The following MPDZ variants were observed in gnomAD, a reference collection of about 807,000 sequenced individuals.
MPDZ encodes multiple PDZ domain crumbs cell polarity complex component.
A neutral mutation model predicts 239.1 loss-of-function variants in MPDZ; 234 were observed. The observed-to-expected ratio is 0.98, with a 90% CI of 0.88 to 1.09. The LOEUF (loss-of-function observed/expected upper bound fraction) is 1.09, where lower values mean the gene tolerates loss of function less well. Among genes scored for constraint, MPDZ ranks in the 50% least tolerant of loss-of-function variants. The pLI is 0.00. For missense variants in MPDZ, 3,175 were observed against 2,510.0 expected (o/e 1.26, Z -5.66); for synonymous variants, 1,048 against 881.3 (o/e 1.19, Z -3.35).
intron 10 of MPDZ, among the ~76,000 whole-genome samples, chr9:13,209,058 G>A (rs991777630): frequency 2.6e-5 from 4 of 152,126 alleles, no homozygotes; most frequent in African/African-American, 9.7e-5. Context: ...CAGGCCAACT[G>A]AATCTCTGTA....
At chr9:13,148,542 C>T (rs1948729146) in intron 25 of MPDZ, among the ~76,000 whole-genome samples, 1 of 151,944 alleles carries the variant, frequency 6.6e-6, no homozygotes, top group South Asian at 2.1e-4. Context: ...ATAAAAACCT[C>T]CCTCAGGTTG....
chr9:13,270,538 T>C (rs1193209636), intron 1 of MPDZ, among the ~76,000 whole-genome samples: 1 of 151,118 alleles, frequency 6.6e-6, no homozygotes, highest in Non-Finnish European at 1.5e-5. Context: ...GTAAAAGACA[T>C]GGCATATTTT....
At chr9:13,149,090 T>C (rs975523174) in intron 25 of MPDZ, among the ~76,000 whole-genome samples, 8 of 151,964 alleles carry the variant, frequency 5.3e-5, no homozygotes, top group African/African-American at 1.9e-4. Flanking sequence ...TTTTAGGTAG[T>C]GTCCTAAATA....
In MPDZ at chr9:13,174,999, T is replaced by C. The variant is rs573941236; in HGVS notation, c.3055+753A>G. On this transcript the variant is annotated intron_variant, in intron 21 of 46. Coordinates refer to ENST00000319217, the MANE Select transcript of MPDZ (RefSeq NM_001378778.1). ...AGTGTAACGGGTAGTGGTTGCTTAC[T>C]TCATAGAAGGAAAAGGATCTCTGAT... Among the ~76,000 whole-genome samples, 4 of 152,276 alleles carry C rather than the reference T, an allele frequency of 2.6e-5. No homozygotes were observed. In the South Asian group the frequency reaches 8.3e-4, roughly 32 times the overall value.
At chr9:13,237,459 A>G (rs1038441157) in intron 3 of MPDZ, among the ~76,000 whole-genome samples, 12 of 151,714 alleles carry the variant, frequency 7.9e-5, no homozygotes, top group African/African-American at 2.4e-4. Context: ...AAAAAAAAAA[A>G]AAAAGGTAAA....
chr9:13,222,977 A>AC (rs1959231175), intron 5 of MPDZ, among the ~76,000 whole-genome samples: 1 of 152,110 alleles, frequency 6.6e-6, no homozygotes, highest in Non-Finnish European at 1.5e-5. Flanking sequence ...TGCCACAACA[A>AC]TAAAAAAATC....
At chr9:13,232,637 A>AT (rs1962826651) in intron 3 of MPDZ, among the ~76,000 whole-genome samples, 1 of 151,878 alleles carries the variant, frequency 6.6e-6, no homozygotes, top group South Asian at 2.1e-4. Context: ...AGAAAAAAAA[A>AT]GCAATACCCA....
At chr9:13,111,391 A>T (rs2131127933) in intron 43 of MPDZ, among the ~76,000 whole-genome samples, 1 of 152,320 alleles carries the variant, frequency 6.6e-6, no homozygotes, top group South Asian at 2.1e-4. Context: ...CCTAAAGACT[A>T]TTTAAACTAA....
chr9:13,184,214 T>A (rs1953773852), intron 18 of MPDZ, among the ~76,000 whole-genome samples: 2 of 151,970 alleles, frequency 1.3e-5, no homozygotes, highest in African/African-American at 4.8e-5. Context: ...GATAGAGAAT[T>A]TCACTACATA....
At chr9:13,181,005 G>A (rs1004923620) in intron 19 of MPDZ, among the ~76,000 whole-genome samples, 1 of 152,152 alleles carries the variant, frequency 6.6e-6, no homozygotes, top group Non-Finnish European at 1.5e-5. Flanking sequence ...TGTGCTGTAG[G>A]TGATTAGCAC....
At chr9:13,221,202 C>A (rs903356260) in intron 7 of MPDZ, among the ~76,000 whole-genome samples, 170 bp downstream of exon 7, 1 of 151,948 alleles carries the variant, frequency 6.6e-6, no homozygotes, top group Non-Finnish European at 1.5e-5. Flanking sequence ...AGGTATTCCT[C>A]CCCTAGGTCT....
chr9:13,205,942 G>C lies in MPDZ; in HGVS notation c.1448C>G (p.Ser483Cys), dbSNP rs757433006. The change falls in exon 11 of 47, where the codon TCT (serine) becomes TGT (cysteine). Residue 483 changes from serine to cysteine, a missense_variant. Coordinates refer to ENST00000319217, the MANE Select transcript of MPDZ (RefSeq NM_001378778.1). ...REDVTKDADL[S>C]PVNASIIKEN... ...TTTGATTATGCTGGCATTAACAGGA[G>C]ACAAATCTGCATCTTTTGTGACGTC... 7 of 1,606,778 alleles carry C rather than the reference G, an allele frequency of 4.4e-6. No homozygotes were observed. Among genetic ancestry groups the C allele is most frequent in the Non-Finnish European group, 5.9e-6 (7 of 1,176,886 alleles).
intron 13 of MPDZ, among the ~76,000 whole-genome samples, chr9:13,194,623 T>C (rs1955398924): frequency 6.6e-6 from 1 of 151,998 alleles, no homozygotes; most frequent in African/African-American, 2.4e-5. Flanking sequence ...GATGATGGGT[T>C]GACAGGTGCA....
intron 39 of MPDZ, among the ~76,000 whole-genome samples, chr9:13,117,249 G>T (rs959650714): frequency 6.6e-6 from 1 of 152,098 alleles, no homozygotes; most frequent in African/African-American, 2.4e-5. Context: ...AGCGACTACT[G>T]TATATATTTT....
chr9:13,248,753 A>C (rs899685845), intron 2 of MPDZ, among the ~76,000 whole-genome samples: 3 of 151,538 alleles, frequency 2.0e-5, no homozygotes, highest in Admixed American at 2.0e-4. Flanking sequence ...GGATTACTTG[A>C]GCTCAGGAGT....
chr9:13,255,395 T>C lies in MPDZ; in HGVS notation c.-57-5023A>G, dbSNP rs375833350. Among the ~76,000 whole-genome samples, 11 of 152,364 alleles carry C rather than the reference T, an allele frequency of 7.2e-5. No individual in the cohort carries two copies. In the East Asian group the frequency reaches 1.9e-3, roughly 27 times the overall value. On this transcript the variant is annotated intron_variant, in intron 1 of 46. Coordinates refer to ENST00000319217, the MANE Select transcript of MPDZ (RefSeq NM_001378778.1). ...TTGCCTTCCTCCCATGAATTACAAA[T>C]ATCTTAATGGCATTTAAAGTAGTGA...
rs777601165 is a variant in MPDZ at position 13,193,258 on chromosome 9, G to C, written c.1712C>G (p.Ala571Gly). ...ENSGLGISLEATVGHHFIRSV... is the reference protein window; with the variant it reads ...ENSGLGISLEGTVGHHFIRSV... The stretch of plus-strand genomic sequence containing the variant: ...TCGGATAAAATGATGTCCCACTGTC[G>C]CTTCCAGGCTTATCCCCAATCCACT... Residue 571 changes from alanine (A) to glycine (G), a missense_variant, in exon 14 of 47, where the codon GCG becomes GGG. By Grantham distance (60) the Ala-to-Gly change is moderately conservative. Transcript: ENST00000319217. 4.3e-6 allele frequency: 7 copies of C among 1,611,760 alleles called. No homozygotes were observed. The highest frequency in any genetic ancestry group is 5.9e-6 in the Non-Finnish European group (7 of 1,178,682).
chr9:13,166,697 A>C (rs1170577400), intron 22 of MPDZ, among the ~76,000 whole-genome samples: 1 of 152,106 alleles, frequency 6.6e-6, no homozygotes, highest in Non-Finnish European at 1.5e-5. Flanking sequence ...TTATGAAGCT[A>C]GCTCTCTAGA....
At chr9:13,110,615 T>C in intron 44 of MPDZ, 21 bp downstream of exon 44, 2 of 1,579,520 alleles carry the variant, frequency 1.3e-6, no homozygotes, top group South Asian at 1.1e-5. Context: ...TTCTGAATTA[T>C]GCTTGGGATA....
Sources: allele counts gnomAD v4.1 joint callset (sites outside exome capture counted in the v4.1 genomes callset), GRCh38; gene constraint gnomAD v4.1.1; transcripts MANE v1.5; gene names NCBI Gene and HGNC (gene_info 2026-07-23, HGNC 2026-07-21).